The following ZNF568 variants were observed in gnomAD, a reference collection of about 807,000 sequenced individuals.
ZNF568 encodes p53 inhibitor of SCO2 activation.
ZNF568 carries 11 observed loss-of-function variants against 18.1 expected under a neutral mutation model. The observed-to-expected ratio is 0.61, with a 90% CI of 0.38 to 1.00. The LOEUF (loss-of-function observed/expected upper bound fraction) is 1.00. Among genes scored for constraint, ZNF568 ranks in the 50% least tolerant of loss-of-function variants. The pLI is 0.01. For missense variants in ZNF568, 639 were observed against 768.2 expected (o/e 0.83, Z 1.99); for synonymous variants, 213 against 246.6 (o/e 0.86, Z 1.28).
At chr19:36,963,460 A>C (rs756364083) in intron 6 of ZNF568, among the ~76,000 whole-genome samples, 24 of 152,228 alleles carry the variant, frequency 1.6e-4, no homozygotes, top group South Asian at 4.1e-4. Context: ...GGCATAATTA[A>C]TGACCATGTC....
At chr19:36,975,335 G>A (rs541870663) in intron 7 of ZNF568, among the ~76,000 whole-genome samples, 3 of 150,304 alleles carry the variant, frequency 2.0e-5, no homozygotes, top group East Asian at 2.0e-4. Flanking sequence ...TTTTAGTAGA[G>A]ATGGGGTTTC....
intron 2 of ZNF568, among the ~76,000 whole-genome samples, chr19:36,918,130 C>T (rs1335802198): frequency 6.6e-6 from 1 of 151,984 alleles, no homozygotes; most frequent in Non-Finnish European, 1.5e-5. Context: ...GTATTTTTAG[C>T]AGAGACAGGG....
At chr19:36,945,210 AGTGTG>A (rs1205919729) in intron 6 of ZNF568, among the ~76,000 whole-genome samples, 1 of 141,854 alleles carries the variant, frequency 7.0e-6, no homozygotes, top group Non-Finnish European at 1.5e-5. Flanking sequence ...CAGAGAGAGA[AGTGTG>A]TGTGTGTGTG....
At chr19:36,962,436 G>A (rs772254247) in intron 6 of ZNF568, among the ~76,000 whole-genome samples, 3 of 151,066 alleles carry the variant, frequency 2.0e-5, no homozygotes, top group Non-Finnish European at 4.4e-5. Flanking sequence ...CACCTCTCAG[G>A]TTCAAGTGAT....
chr19:36,941,237 A>G (rs1236014422), intron 6 of ZNF568, among the ~76,000 whole-genome samples: 1 of 152,212 alleles, frequency 6.6e-6, no homozygotes, highest in Non-Finnish European at 1.5e-5. Context: ...AGGGGCGTGG[A>G]AAACCATTGT....
intron 6 of ZNF568, among the ~76,000 whole-genome samples, chr19:36,948,362 C>T (rs776977780): frequency 2.6e-5 from 4 of 152,148 alleles, no homozygotes; most frequent in South Asian, 4.1e-4. Flanking sequence ...ACAGTTTATC[C>T]GTTCACCTAG....
At position 36,949,901 on chromosome 19, in the gene ZNF568, T is replaced by C; in HGVS notation, c.748T>C (p.Tyr250His). The stretch of plus-strand genomic sequence containing the variant: ...GCGAATTCATGCTGGAGAGAAACCT[T>C]ACGAATGTAAAGAATGTGGAAAAGC... ...HERIHAGEKPYECKECGKAFS... is the reference protein window; with the variant it reads ...HERIHAGEKPHECKECGKAFS... Residue 250 changes from tyrosine (Y) to histidine (H), a missense_variant, in exon 7 of 7, where the codon TAC becomes CAC. Transcript: ENST00000333987. 1 of 1,613,898 alleles carries C rather than the reference T, an allele frequency of 6.2e-7. No individual in the cohort carries two copies. Among genetic ancestry groups the C allele is most frequent in the South Asian group, 1.1e-5 (1 of 91,054 alleles).
chr19:36,964,349 T>A (rs973579215), intron 6 of ZNF568, among the ~76,000 whole-genome samples: 6 of 152,240 alleles, frequency 3.9e-5, no homozygotes. Flanking sequence ...ATTACTTTCT[T>A]GTTACATAGT....
At chr19:36,993,696 G>A (rs148503505) in intron 4 of ZNF568, among the ~76,000 whole-genome samples, 16 of 152,118 alleles carry the variant, frequency 1.1e-4, no homozygotes, top group African/African-American at 2.2e-4. Context: ...ATAGTTATTC[G>A]TAGGAGTTCC....
intron 4 of ZNF568, among the ~76,000 whole-genome samples, chr19:36,993,014 T>C (rs542538830): frequency 1.0e-3 from 152 of 152,352 alleles, no homozygotes; most frequent in Non-Finnish European, 1.7e-3. Flanking sequence ...GGTATAGATA[T>C]TACCATTCTG....
intron 6 of ZNF568, among the ~76,000 whole-genome samples, chr19:36,972,747 C>G (rs553943029): frequency 3.8e-4 from 58 of 152,198 alleles, no homozygotes; most frequent in Middle Eastern, 3.4e-3. Flanking sequence ...TGGAGGGTAC[C>G]CTGGGTGGTC....
intron 6 of ZNF568, among the ~76,000 whole-genome samples, chr19:36,974,145 A>G (rs541979813): frequency 2.0e-4 from 31 of 152,150 alleles, no homozygotes; most frequent in African/African-American, 7.0e-4. Context: ...GGCGCCACAG[A>G]CTTTTGGGCT....
At chr19:36,956,129 A>G (rs2074105355), downstream of ZNF568, among the ~76,000 whole-genome samples, 1 of 152,198 alleles carries the variant, frequency 6.6e-6, no homozygotes, top group South Asian at 2.1e-4. Flanking sequence ...CCTGCCATGG[A>G]TGGTGTCATC....
At chr19:36,917,155 G>A (rs78073171) in intron 1 of ZNF568, among the ~76,000 whole-genome samples, 2,629 of 152,290 alleles carry the variant, frequency 0.017, 41 homozygotes, top group Middle Eastern at 0.051. Context: ...GTGTTCAGCT[G>A]ATCTAGGTGG....
chr19:36,949,774 T>TA lies in ZNF568; in HGVS notation c.621_622insA (p.Gly208ArgfsTer16), dbSNP rs748272544. On this transcript the variant is annotated frameshift_variant, in exon 7 of 7. Coordinates refer to ENST00000333987, the MANE Select transcript of ZNF568 (RefSeq NM_198539.4). LOFTEE classifies it low-confidence loss of function (END_TRUNC). ...TAAGAGAGAAACAGAGTAATGAGTT[T>TA]GGGAAACCATTTTACCATTGTGCAT... The TA allele has an allele frequency of 2.0e-5, 33 of 1,613,848 alleles. No individual in the cohort carries two copies. In the Admixed American group the frequency reaches 5.3e-4, roughly 26 times the overall value.
At position 36,936,749 on chromosome 19, in the gene ZNF568, A is replaced by G. The variant is rs1181858916; in HGVS notation, c.139A>G (p.Thr47Ala). ...AATTAGCATTATGTTTTTACAGGAAACAGTGACATTTAAGGATGTGGCTGT... is the reference window on the plus strand; with the variant it reads ...AATTAGCATTATGTTTTTACAGGAAGCAGTGACATTTAAGGATGTGGCTGT... ...EEEDTTRPLE[T>A]VTFKDVAVDL... The change falls in exon 5 of 7, where the codon ACA becomes GCA. Residue 47 changes from threonine to alanine, a missense_variant. Thr to Ala is a moderately conservative substitution (Grantham distance 58). Coordinates refer to ENST00000333987, the MANE Select transcript of ZNF568 (RefSeq NM_198539.4). 6.2e-7 allele frequency: 1 copy of G among 1,611,682 alleles called. No individual in the cohort carries two copies. The highest frequency in any genetic ancestry group is 8.5e-7 in the Non-Finnish European group (1 of 1,178,542).
At chr19:36,997,306 G>C (rs751354865), downstream of ZNF568, 2 of 1,601,994 alleles carry the variant, frequency 1.2e-6, no homozygotes, top group African/African-American at 2.7e-5. Context: ...TAAGTGTAAG[G>C]AATGTGGGAA....
chr19:36,964,969 G>C (rs1463374028), intron 6 of ZNF568, among the ~76,000 whole-genome samples: 1 of 139,878 alleles, frequency 7.1e-6, no homozygotes, highest in Non-Finnish European at 1.6e-5. Flanking sequence ...CGCTCTCCTA[G>C]TTGGGACACT....
downstream of ZNF568, among the ~76,000 whole-genome samples, chr19:36,980,733 A>ACTCAAGCTTCAGTGCC (rs1225844301): frequency 6.6e-6 from 1 of 152,158 alleles, no homozygotes; most frequent in African/African-American, 2.4e-5. Flanking sequence ...AGAGAAGCTC[A>ACTCAAGCTTCAGTGCC]CTCAAGCTTC....
Sources: gnomAD v4.1 joint callset for allele counts (sites outside exome capture counted in the v4.1 genomes callset) on GRCh38, gnomAD v4.1.1 for gene constraint, MANE v1.5 for transcripts, NCBI Gene and HGNC (gene_info 2026-07-23, HGNC 2026-07-21) for gene names.